Variants in ZKSCAN8 observed in about 807,000 individuals in gnomAD.
ZKSCAN8 encodes the protein zinc finger with KRAB and SCAN domains 8, also known as zinc finger protein with KRAB and SCAN domains 8.
ZKSCAN8 carries 27 observed loss-of-function variants against 57.2 expected under a neutral mutation model. The ratio of observed to expected loss-of-function variants is 0.47; its 90% CI spans 0.35 to 0.65. The LOEUF is 0.65. Ranked by LOEUF, ZKSCAN8 falls within the 30% of genes least tolerant of loss-of-function variation. ZKSCAN8 has a pLI of 0.01. For missense variants in ZKSCAN8, 597 were observed against 696.3 expected (o/e 0.86, Z 1.60); for synonymous variants, 214 against 248.7 (o/e 0.86, Z 1.31).
At chr6:28,148,139 C>T (rs1765461609) in intron 1 of ZKSCAN8, among the ~76,000 whole-genome samples, 177 bp from the exon 2 acceptor site, 1 of 152,094 alleles carries the variant, frequency 6.6e-6, no homozygotes, top group African/African-American at 2.4e-5. Context: ...ATGGGTTTGG[C>T]ATGGCTGGCA....
rs186977794 is a variant in ZKSCAN8 at position 28,141,893 on chromosome 6, C to T, written c.-229C>T. Reference sequence around the variant, plus strand: ...TGCGTGCTGGCCGGTGTTGTGCCTCCGCAGATTTAGAAGTTAGTGGCCGGA... The same window carrying T: ...TGCGTGCTGGCCGGTGTTGTGCCTCTGCAGATTTAGAAGTTAGTGGCCGGA... On this transcript the variant is annotated 5_prime_UTR_variant, in exon 1 of 6. Transcript: ENST00000330236. 1 of 152,672 alleles carries T rather than the reference C, an allele frequency of 6.5e-6. No homozygotes were observed. Among genetic ancestry groups the T allele is most frequent in the Non-Finnish European group, 1.5e-5 (1 of 68,408 alleles). The allele number at this position is 152,672 out of a possible 1,614,324, so 9.5% of individuals were successfully genotyped here.
Position 28,149,543 on chromosome 6 carries a change from G to T in ZKSCAN8, c.478G>T (p.Ala160Ser), listed in dbSNP as rs1193305807. Residue 160 changes from alanine to serine, a missense_variant, in exon 3 of 6, where the codon GCA (alanine) becomes TCA (serine). Ala to Ser is a moderately conservative substitution (Grantham distance 99, BLOSUM62 1). Coordinates refer to ENST00000330236, the MANE Select transcript of ZKSCAN8 (RefSeq NM_006298.4). Reference sequence around the variant, plus strand: ...GGAGGAGGTAGTACATTCAGCATCTGCACCAGAGCCTCCAAATACTCAGCT... The same window carrying T: ...GGAGGAGGTAGTACATTCAGCATCTTCACCAGAGCCTCCAAATACTCAGCT... ...LWEEVVHSAS[A>S]PEPPNTQLQS... The T allele has an allele frequency of 6.2e-7, 1 of 1,613,982 alleles. No individual in the cohort carries two copies. The highest frequency in any genetic ancestry group is 1.1e-5 in the South Asian group (1 of 91,076).
At position 28,156,522 on chromosome 6, in the gene ZKSCAN8, A is replaced by G. The variant is rs1765787586; in HGVS notation, c.*2505A>G. The stretch of plus-strand genomic sequence containing the variant: ...AAAGCTGATACAGCACATATACAGA[A>G]TTAGCCAAATGGTATAAGACAATAG... On this transcript the variant is annotated 3_prime_UTR_variant, in exon 6 of 6. Coordinates refer to ENST00000330236, the MANE Select transcript of ZKSCAN8 (RefSeq NM_006298.4). 3.8e-6 allele frequency: 1 copy of G among 260,902 alleles called. No individual in the cohort carries two copies. The highest frequency in any genetic ancestry group is 7.2e-6 in the Non-Finnish European group (1 of 139,246). 16.2% of individuals were successfully genotyped at this position (260,902 alleles called of 1,614,324 possible). A position where few individuals can be genotyped will look rare whatever the true frequency, so the allele number is the denominator to read the frequency against.
chr6:28,152,703 G>T (rs973904380), intron 5 of ZKSCAN8, among the ~76,000 whole-genome samples: 3 of 152,090 alleles, frequency 2.0e-5, no homozygotes, highest in African/African-American at 7.2e-5. Context: ...TAAATTAATT[G>T]TATCTCCTCC....
At position 28,156,306 on chromosome 6, in the gene ZKSCAN8, A is replaced by C. The variant is rs1328824742; in HGVS notation, c.*2289A>C. ...GGGTGGTATGGCCATAGACCAGAGC[A>C]ACACATTGAAATGTATACAGATGTA... On this transcript the variant is annotated 3_prime_UTR_variant, in exon 6 of 6. Transcript: ENST00000330236. 1 of 397,748 alleles carries C rather than the reference A, an allele frequency of 2.5e-6. No homozygotes were observed. Among genetic ancestry groups the C allele is most frequent in the African/African-American group, 2.1e-5 (1 of 48,612 alleles). 24.6% of individuals were successfully genotyped at this position (397,748 alleles called of 1,614,324 possible).
intron 1 of ZKSCAN8, among the ~76,000 whole-genome samples, chr6:28,145,760 C>T (rs920266384): frequency 1.3e-5 from 2 of 152,224 alleles, no homozygotes; most frequent in Non-Finnish European, 2.9e-5. Context: ...TGTGTCTTCA[C>T]ATGACCTTCT....
rs948566875 is a variant in ZKSCAN8, at chr6:28,158,445, T to G, written c.*4428T>G. ...TACAACTTGATATTTGAAAACAGGATTCATCACCATATATCCCCAGCCCCC... is the reference window on the plus strand; with the variant it reads ...TACAACTTGATATTTGAAAACAGGAGTCATCACCATATATCCCCAGCCCCC... On this transcript the variant is annotated 3_prime_UTR_variant, in exon 6 of 6. Transcript: ENST00000330236. 3 of 152,194 alleles carry G rather than the reference T, an allele frequency of 2.0e-5. No individual in the cohort carries two copies. Among genetic ancestry groups the G allele is most frequent in the Non-Finnish European group, 2.9e-5 (2 of 68,032 alleles). 9.4% of individuals were successfully genotyped at this position (152,194 alleles called of 1,614,324 possible).
rs1464091797 is a variant in ZKSCAN8, at chr6:28,144,230, A to AT, written c.-93+2203dup. 1.3e-5 allele frequency: 2 copies of AT among 152,086 alleles called. No homozygotes were observed. The highest frequency in any genetic ancestry group is 6.5e-5 in the Admixed American group (1 of 15,274). 9.4% of individuals were successfully genotyped at this position (152,086 alleles called of 1,614,324 possible). A position where few individuals can be genotyped will look rare whatever the true frequency, so the allele number is the denominator to read the frequency against. ...TTTGTTTGTTTTTAACCTTCCTGGC[A>AT]TTCTTGGATGGCCTTTGAGTCTGTG... On this transcript the variant is annotated intron_variant, in intron 1 of 5. Transcript: ENST00000330236. This position sits in a 1 kb window ranked among gnomAD's most constrained non-coding sequence, Gnocchi z 4.5.
In ZKSCAN8 at chr6:28,152,340, G is replaced by C; in HGVS notation, c.731G>C (p.Cys244Ser). The C allele has an allele frequency of 6.2e-7, 1 of 1,613,508 alleles. No homozygotes were observed. Residue 244 changes from cysteine (C) to serine (S), a missense_variant, in exon 5 of 6, where the codon TGT becomes TCT. Physicochemically the swap from Cys to Ser is moderately radical, Grantham distance 112. Transcript: ENST00000330236. ...CTTGATCCATCACAGAAGGATCTGT[G>C]TAGAGATAACAGGCCAGAAAATTTC... ...WLLDPSQKDL[C>S]RDNRPENFRN...
In ZKSCAN8 at chr6:28,156,433, A is replaced by G. The variant is rs1047507332; in HGVS notation, c.*2416A>G. ...ATGTGGCATAAATTTGGAGAAAATAATATGACTAGAAAAATTAGTGTTATA... is the reference window on the plus strand; with the variant it reads ...ATGTGGCATAAATTTGGAGAAAATAGTATGACTAGAAAAATTAGTGTTATA... On this transcript the variant is annotated 3_prime_UTR_variant, in exon 6 of 6. Coordinates refer to ENST00000330236, the MANE Select transcript of ZKSCAN8 (RefSeq NM_006298.4). 5.2e-6 allele frequency: 2 copies of G among 383,852 alleles called. No homozygotes were observed. Among genetic ancestry groups the G allele is most frequent in the African/African-American group, 4.1e-5 (2 of 48,300 alleles). 23.8% of individuals were successfully genotyped at this position (383,852 alleles called of 1,614,324 possible). A position where few individuals can be genotyped will look rare whatever the true frequency, so the allele number is the denominator to read the frequency against.
At chr6:28,151,438 G>A (rs566193060) in intron 3 of ZKSCAN8, among the ~76,000 whole-genome samples, 1 of 152,218 alleles carries the variant, frequency 6.6e-6, no homozygotes, top group East Asian at 1.9e-4. Context: ...CAAATACTGG[G>A]AGCCATAGTA....
At chr6:28,150,744 T>C (rs966609949) in intron 3 of ZKSCAN8, among the ~76,000 whole-genome samples, 11 of 152,208 alleles carry the variant, frequency 7.2e-5, no homozygotes, top group African/African-American at 2.7e-4. Flanking sequence ...TATTATTTTT[T>C]ATTTATCAGT....
intron 1 of ZKSCAN8, among the ~76,000 whole-genome samples, chr6:28,146,777 AAC>A (rs1765412028): frequency 6.6e-6 from 1 of 152,224 alleles, no homozygotes; most frequent in Non-Finnish European, 1.5e-5. Context: ...CAATAAACAG[AAC>A]AGAGATTCCA....
Position 28,157,611 on chromosome 6 carries a change from A to G in ZKSCAN8, c.*3594A>G, listed in dbSNP as rs1035914077. 2.0e-5 allele frequency: 3 copies of G among 152,210 alleles called. No homozygotes were observed. The highest frequency in any genetic ancestry group is 4.4e-5 in the Non-Finnish European group (3 of 68,046). The allele number at this position is 152,210 out of a possible 1,614,324, so 9.4% of individuals were successfully genotyped here. ...TGTCATGAGAGGTACTGGGGAAAAG[A>G]ATGTGCAGTAGAGTGCAAATACATT... On this transcript the variant is annotated 3_prime_UTR_variant, in exon 6 of 6. Transcript: ENST00000330236.
At chr6:28,147,243 A>G (rs1399821214) in intron 1 of ZKSCAN8, among the ~76,000 whole-genome samples, 1 of 151,330 alleles carries the variant, frequency 6.6e-6, no homozygotes, top group Non-Finnish European at 1.5e-5. Context: ...AGATATATAG[A>G]TGTTAAATAA....
At chr6:28,141,861 G>A (rs1174460581), upstream of ZKSCAN8, 5 of 152,640 alleles carry the variant, frequency 3.3e-5, no homozygotes, top group African/African-American at 1.2e-4. Context: ...GTGCCTTTGG[G>A]GCAAGATGCG....
At position 28,148,798 on chromosome 6, in the gene ZKSCAN8, A is replaced by G. The variant is rs1483290849; in HGVS notation, c.391A>G (p.Arg131Gly). 1.2e-6 allele frequency: 2 copies of G among 1,613,900 alleles called. No homozygotes were observed. The highest frequency in any genetic ancestry group is 1.1e-5 in the South Asian group (1 of 91,076). The change falls in exon 2 of 6, where the codon AGG (arginine) becomes GGG (glycine). Residue 131 changes from arginine (R) to glycine (G), a missense_variant. By Grantham distance (125) the Arg-to-Gly change is moderately radical. Transcript: ENST00000330236. ...EVVTLLEDLE[R>G]QIDILGRPVS... Reference sequence around the variant, plus strand: ...GGTGACCCTATTAGAGGATTTGGAAAGGCAGATTGATATACTAGGACGACC... The same window carrying G: ...GGTGACCCTATTAGAGGATTTGGAAGGGCAGATTGATATACTAGGACGACC...
rs1030581070 is a variant in ZKSCAN8 at position 28,158,583 on chromosome 6, T to C, written c.*4566T>C. On this transcript the variant is annotated 3_prime_UTR_variant, in exon 6 of 6. Transcript: ENST00000330236. ...ATCTTTTTCTGCTCTCCATTCTCCA[T>C]GTCCAAAAACTTGCTGTCAGTCCAG... is the stretch of plus-strand genomic sequence containing the variant. 1.3e-5 allele frequency: 2 copies of C among 152,218 alleles called. No homozygotes were observed. The highest frequency in any genetic ancestry group is 4.8e-5 in the African/African-American group (2 of 41,450). 9.4% of individuals were successfully genotyped at this position (152,218 alleles called of 1,614,324 possible). A position where few individuals can be genotyped will look rare whatever the true frequency, so the allele number is the denominator to read the frequency against.
intron 4 of ZKSCAN8, 35 bp downstream of exon 4, chr6:28,151,971 C>T (rs1765606163): frequency 6.3e-7 from 1 of 1,599,626 alleles, no homozygotes; most frequent in Non-Finnish European, 8.6e-7. Context: ...AACGCCATAG[C>T]TGTGCTTGTC....
Sources: allele counts gnomAD v4.1 joint callset (sites outside exome capture counted in the v4.1 genomes callset), GRCh38; gene constraint gnomAD v4.1.1; non-coding constraint Gnocchi (gnomAD v3.1); transcripts MANE v1.5; gene names NCBI Gene and HGNC (gene_info 2026-07-23, HGNC 2026-07-21).